FANCC: variants seen among roughly 807,000 people sequenced by gnomAD.
FANCC encodes Fanconi anemia group C protein.
A neutral mutation model predicts 71.3 loss-of-function variants in FANCC; 55 were observed. The observed-to-expected ratio is 0.77, with a 90% CI of 0.62 to 0.97. The LOEUF is 0.97. Among genes scored for constraint, FANCC ranks in the 50% least tolerant of loss-of-function variants. The pLI is 0.00. For missense variants in FANCC, 678 were observed against 670.9 expected (o/e 1.01, Z -0.12); for synonymous variants, 275 against 244.9 (o/e 1.12, Z -1.15).
At chr9:95,293,396 C>A in intron 1 of FANCC, 1 of 1,580,778 alleles carries the variant, frequency 6.3e-7, no homozygotes, top group South Asian at 1.2e-5. Context: ...GAACCCTGAT[C>A]CTCGGCCTAG....
intron 4 of FANCC, among the ~76,000 whole-genome samples, chr9:95,233,285 T>G (rs1830120644): frequency 6.6e-6 from 1 of 152,156 alleles, no homozygotes; most frequent in African/African-American, 2.4e-5. Flanking sequence ...AGTAATGTGT[T>G]TGTTACTTAA....
chr9:95,183,393 G>T (rs951384509), intron 4 of FANCC, among the ~76,000 whole-genome samples: 1 of 152,136 alleles, frequency 6.6e-6, no homozygotes. Context: ...ACCACAGCTG[G>T]GAGCCACACA....
intron 4 of FANCC, among the ~76,000 whole-genome samples, chr9:95,210,785 G>T (rs73534896): frequency 0.026 from 3,993 of 152,092 alleles, 156 homozygotes; most frequent in African/African-American, 0.081. Context: ...CCAACAATTT[G>T]TTTCAACTTA....
At chr9:95,295,612 T>C (rs1341772244) in intron 1 of FANCC, among the ~76,000 whole-genome samples, 2 of 151,734 alleles carry the variant, frequency 1.3e-5, no homozygotes, top group African/African-American at 4.8e-5. Context: ...CTGTACAAAA[T>C]AAAAAATTAG....
chr9:95,158,997 C>A (rs1431776183), intron 6 of FANCC, among the ~76,000 whole-genome samples: 2 of 152,002 alleles, frequency 1.3e-5, no homozygotes, highest in Admixed American at 6.5e-5. Context: ...TGCTATACTC[C>A]CAACTGCTAG....
intron 4 of FANCC, among the ~76,000 whole-genome samples, chr9:95,211,450 C>T (rs114016603): frequency 3.9e-4 from 59 of 152,266 alleles, no homozygotes; most frequent in African/African-American, 1.4e-3. Context: ...CCTTAACATG[C>T]TACTTGGCCT....
chr9:95,206,599 T>C (rs939735434), intron 4 of FANCC, among the ~76,000 whole-genome samples: 5 of 152,144 alleles, frequency 3.3e-5, no homozygotes, highest in Non-Finnish European at 5.9e-5. Context: ...AACGCTGCAA[T>C]GAAAATAGAT....
intron 13 of FANCC, among the ~76,000 whole-genome samples, chr9:95,108,364 G>C (rs2071624870): frequency 6.6e-6 from 1 of 152,240 alleles, no homozygotes. Flanking sequence ...GTCTACGGGA[G>C]CCCAAGGCCA....
chr9:95,286,469 T>G (rs1588418440), intron 1 of FANCC, among the ~76,000 whole-genome samples: 1 of 152,336 alleles, frequency 6.6e-6, no homozygotes, highest in East Asian at 1.9e-4. Context: ...TATGATTTAT[T>G]TATCATTCAA....
At chr9:95,175,710 C>T (rs757471449) in intron 4 of FANCC, among the ~76,000 whole-genome samples, 5 of 152,198 alleles carry the variant, frequency 3.3e-5, no homozygotes, top group East Asian at 3.9e-4. Context: ...CTTGCGAAGG[C>T]GGAGGGTGGG....
At chr9:95,292,544 G>A in intron 1 of FANCC, 3 of 1,486,850 alleles carry the variant, frequency 2.0e-6, no homozygotes, top group Non-Finnish European at 2.7e-6. Context: ...AGCTGATCCA[G>A]CAGTAGGTGA....
intron 10 of FANCC, among the ~76,000 whole-genome samples, chr9:95,120,420 T>C (rs577366397): frequency 3.3e-5 from 5 of 151,932 alleles, no homozygotes; most frequent in Admixed American, 6.6e-5. Flanking sequence ...TAAAATCTTT[T>C]TTTTTTTTTT....
chr9:95,270,623 A>G (rs953935473), intron 1 of FANCC, among the ~76,000 whole-genome samples: 7 of 152,238 alleles, frequency 4.6e-5, no homozygotes, highest in Non-Finnish European at 1.0e-4. Flanking sequence ...GATAAATCCA[A>G]CTGAGTATGA....
At position 95,247,466 on chromosome 9, in the gene FANCC, T is replaced by C. The variant is rs1057523069; in HGVS notation, c.216A>G (p.Ala72=). ...AAATAAAAGGATTCCAACAAGCTTT[T>C]GCCAACAGTTGACCAATTGTGGGGA... The part of the protein sequence containing the change: ...ERFPTIGQLL[A]KACWNPFILA... The change falls in exon 3 of 15, where the codon GCA becomes GCG. Residue 72 remains alanine, a synonymous_variant. Transcript: ENST00000289081. The C allele has an allele frequency of 1.2e-6, 2 of 1,613,664 alleles. No individual in the cohort carries two copies. Among genetic ancestry groups the C allele is most frequent in the African/African-American group, 2.7e-5 (2 of 74,930 alleles).
At chr9:95,212,006 C>CT (rs1213553599) in intron 4 of FANCC, among the ~76,000 whole-genome samples, 1 of 151,834 alleles carries the variant, frequency 6.6e-6, no homozygotes, top group Non-Finnish European at 1.5e-5. Flanking sequence ...TTCTTTAAAC[C>CT]TTTTTTTAAA....
intron 7 of FANCC, 90 bp from the exon 8 acceptor site, chr9:95,135,592 A>G: frequency 5.8e-6 from 6 of 1,043,192 alleles, no homozygotes; most frequent in East Asian, 2.6e-5. Context: ...TCACTAATCC[A>G]ATTTGTGAGA....
At chr9:95,180,056 G>A (rs1446733690) in intron 4 of FANCC, among the ~76,000 whole-genome samples, 1 of 152,156 alleles carries the variant, frequency 6.6e-6, no homozygotes, top group African/African-American at 2.4e-5. Flanking sequence ...AATTCACTGA[G>A]CTTTATCTTA....
At position 95,141,982 on chromosome 9, in the gene FANCC, G is replaced by A. The variant is rs781276444; in HGVS notation, c.687-6480C>T. ...TAATAGTAATATGTTAACAGTTTGTGGGGTTTTTTTTTTTTTTTTTTTTTT... is the reference window on the plus strand; with the variant it reads ...TAATAGTAATATGTTAACAGTTTGTAGGGTTTTTTTTTTTTTTTTTTTTTT... On this transcript the variant is annotated intron_variant, in intron 7 of 14. Transcript: ENST00000289081. 4.0e-3 allele frequency among the ~76,000 whole-genome samples: 434 copies of A among 107,418 alleles called. 5 individuals carry two copies. The highest frequency in any genetic ancestry group is 6.1e-3 in the Non-Finnish European group (319 of 52,240). The allele number at this position is 107,418 out of a possible 152,430, so 70.5% of individuals were successfully genotyped here. A position where few individuals can be genotyped will look rare whatever the true frequency, so the allele number is the denominator to read the frequency against.
chr9:95,170,360 C>G (rs1825583900), intron 6 of FANCC, among the ~76,000 whole-genome samples: 1 of 140,248 alleles, frequency 7.1e-6, no homozygotes, highest in Admixed American at 7.2e-5. Flanking sequence ...AGGACAAAGA[C>G]AATTTCTGAT....
Sources: gnomAD v4.1 joint callset for allele counts (sites outside exome capture counted in the v4.1 genomes callset) on GRCh38, gnomAD v4.1.1 for gene constraint, MANE v1.5 for transcripts, NCBI Gene and HGNC (gene_info 2026-07-23, HGNC 2026-07-21) for gene names.